Variants in LUZP2 observed in about 807,000 individuals in gnomAD.
LUZP2 encodes leucine zipper protein 2.
Under a neutral mutation model 51.6 loss-of-function variants are expected in LUZP2, and 52 were observed. That is an observed-to-expected ratio of 1.01 (90% CI 0.81 to 1.27). The LOEUF (loss-of-function observed/expected upper bound fraction) is 1.27, where lower values mean the gene tolerates loss of function less well. Among genes scored for constraint, LUZP2 ranks in the 50% most tolerant of loss-of-function variants. The probability of loss-of-function intolerance (pLI) is 0.00; values close to 1 mark genes in which losing one functional copy is unlikely to be tolerated. For synonymous variants in LUZP2, 154 were observed against 137.3 expected (o/e 1.12, Z -0.85); for missense variants, 436 against 395.4 (o/e 1.10, Z -0.87).
chr11:24,754,491 T>G (rs1006258437), intron 4 of LUZP2, among the ~76,000 whole-genome samples: 2 of 152,168 alleles, frequency 1.3e-5, no homozygotes, highest in African/African-American at 4.8e-5. Context: ...GTCTCTGTTT[T>G]GTATCAACAG....
chr11:24,598,809 T>C (rs376394891), intron 1 of LUZP2, among the ~76,000 whole-genome samples: 2 of 152,196 alleles, frequency 1.3e-5, no homozygotes, highest in South Asian at 4.1e-4. Context: ...CACAATGGGA[T>C]GTCTTTGCTT....
chr11:24,816,487 T>C (rs1850188097), intron 5 of LUZP2, among the ~76,000 whole-genome samples: 1 of 152,020 alleles, frequency 6.6e-6, no homozygotes, highest in African/African-American at 2.4e-5. Flanking sequence ...GGAATTGAAA[T>C]GTTGGAAAAA....
At chr11:24,871,897 G>GTA (rs1484977267) in intron 5 of LUZP2, among the ~76,000 whole-genome samples, 1 of 152,016 alleles carries the variant, frequency 6.6e-6, no homozygotes, top group Non-Finnish European at 1.5e-5. Context: ...AACTATAATA[G>GTA]TATACAGTGA....
chr11:24,794,604 C>T (rs757125629), intron 5 of LUZP2, among the ~76,000 whole-genome samples: 1 of 152,094 alleles, frequency 6.6e-6, no homozygotes, highest in Non-Finnish European at 1.5e-5. Flanking sequence ...TAGAATGAGA[C>T]AAGCTATGAC....
At chr11:25,002,844 C>A (rs949549172) in intron 9 of LUZP2, among the ~76,000 whole-genome samples, 6 of 152,106 alleles carry the variant, frequency 3.9e-5, no homozygotes, top group Non-Finnish European at 7.3e-5. Flanking sequence ...GACCCTGGTT[C>A]CCATTCTACT....
chr11:24,897,845 T>C (rs1452450611), intron 5 of LUZP2, among the ~76,000 whole-genome samples: 1 of 152,196 alleles, frequency 6.6e-6, no homozygotes, highest in East Asian at 1.9e-4. Flanking sequence ...TTGATTTACT[T>C]ATGGATTCTC....
rs183620435 is a variant in LUZP2, at chr11:25,014,672, T to G, written c.765+31379T>G. 5.9e-5 allele frequency among the ~76,000 whole-genome samples: 9 copies of G among 152,330 alleles called. No individual in the cohort carries two copies. In the East Asian group the frequency reaches 1.7e-3, roughly 29 times the overall value. ...TTAGCCTTTTGTCAGATGAGTAGGT[T>G]GCAAAAATTTTCTCCCATTCTGTAG... On this transcript the variant is annotated intron_variant, in intron 9 of 11. Coordinates refer to ENST00000336930, the MANE Select transcript of LUZP2 (RefSeq NM_001009909.4).
chr11:24,714,054 G>A (rs1004540020), intron 1 of LUZP2, among the ~76,000 whole-genome samples: 54 of 151,676 alleles, frequency 3.6e-4, no homozygotes, highest in African/African-American at 1.3e-3. Context: ...TAATACAAAA[G>A]TCAATACAGT....
Position 25,077,506 on chromosome 11 carries a change from A to AT in LUZP2, c.936+103dup, listed in dbSNP as rs201918834. 1,950 of 437,322 alleles carry AT rather than the reference A, an allele frequency of 4.5e-3. 2 individuals carry two copies. Among genetic ancestry groups the AT allele is most frequent in the East Asian group, 8.2e-3 (94 of 11,484 alleles). 27.1% of individuals were successfully genotyped at this position (437,322 alleles called of 1,614,324 possible). A position where few individuals can be genotyped will look rare whatever the true frequency, so the allele number is the denominator to read the frequency against. ...TTATATTATTTTTTATTTTTTATTT[A>AT]TTTATTTTTTTGAGACAGAGTCTTG... On this transcript the variant is annotated intron_variant, in intron 11 of 11. Transcript: ENST00000336930.
intron 9 of LUZP2, among the ~76,000 whole-genome samples, chr11:25,018,626 T>A (rs1009800543): frequency 2.3e-3 from 69 of 29,722 alleles, no homozygotes; most frequent in Admixed American, 4.1e-3. Context: ...TTTTTTTTTT[T>A]AAAGACACTC....
chr11:24,900,186 GATA>G (rs1206820230), intron 5 of LUZP2, among the ~76,000 whole-genome samples: 13 of 152,250 alleles, frequency 8.5e-5, no homozygotes, highest in Non-Finnish European at 1.6e-4. Flanking sequence ...CATTCTAGTA[GATA>G]ATAATTGTTT....
intron 1 of LUZP2, among the ~76,000 whole-genome samples, chr11:24,650,878 C>G (rs11028093): frequency 2.0e-5 from 3 of 152,068 alleles, no homozygotes; most frequent in Middle Eastern, 3.4e-3. Context: ...AATACATTAC[C>G]TTAGGCAGAT....
intron 9 of LUZP2, among the ~76,000 whole-genome samples, chr11:25,022,834 G>C (rs916604341): frequency 7.2e-5 from 11 of 152,036 alleles, no homozygotes; most frequent in African/African-American, 1.9e-4. Flanking sequence ...TCAATACCTA[G>C]TTTATTGAGA....
At chr11:24,961,275 G>A (rs1030639125) in intron 7 of LUZP2, among the ~76,000 whole-genome samples, 1 of 152,152 alleles carries the variant, frequency 6.6e-6, no homozygotes, top group African/African-American at 2.4e-5. Flanking sequence ...GCTTGGTGCA[G>A]AGCTGAGTTC....
chr11:24,597,120 G>A (rs10500984), intron 1 of LUZP2, among the ~76,000 whole-genome samples: 2 of 152,048 alleles, frequency 1.3e-5, no homozygotes, highest in Non-Finnish European at 2.9e-5. Context: ...TGTGCATTAC[G>A]AAGGAGTAAT....
At chr11:24,937,099 T>A (rs1270784495) in intron 7 of LUZP2, among the ~76,000 whole-genome samples, 2 of 151,982 alleles carry the variant, frequency 1.3e-5, no homozygotes, top group Non-Finnish European at 2.9e-5. Flanking sequence ...GCACTTATCT[T>A]GGGGTCTAGG....
At chr11:25,037,553 C>T (rs1031365700) in intron 9 of LUZP2, among the ~76,000 whole-genome samples, 1 of 152,114 alleles carries the variant, frequency 6.6e-6, no homozygotes, top group Admixed American at 6.6e-5. Context: ...CTTTGTAGTG[C>T]CAGGGGGCCG....
intron 10 of LUZP2, among the ~76,000 whole-genome samples, chr11:25,052,147 C>A (rs369193879): frequency 1.2e-4 from 19 of 152,198 alleles, no homozygotes; most frequent in East Asian, 1.2e-3. Context: ...AGAAGCTACA[C>A]CTTTTAGTAC....
At chr11:25,018,046 T>C (rs1271495816) in intron 9 of LUZP2, among the ~76,000 whole-genome samples, 1 of 30,976 alleles carries the variant, frequency 3.2e-5, no homozygotes, top group African/African-American at 8.0e-5. Flanking sequence ...TGTTTTTTTT[T>C]TGTTTTTTTT....
Sources: allele counts gnomAD v4.1 joint callset (sites outside exome capture counted in the v4.1 genomes callset), GRCh38; gene constraint gnomAD v4.1.1; transcripts MANE v1.5; gene names NCBI Gene and HGNC (gene_info 2026-07-23, HGNC 2026-07-21).